PIAS1: variants seen among roughly 807,000 people sequenced by gnomAD.
PIAS1 encodes protein inhibitor of activated STAT 1.
Under a neutral mutation model 71.3 loss-of-function variants are expected in PIAS1, and 6 were observed. The ratio of observed to expected loss-of-function variants is 0.08; its 90% confidence interval spans 0.05 to 0.17. The LOEUF is 0.17. Ranked by LOEUF, PIAS1 falls within the 10% of genes least tolerant of loss-of-function variation. PIAS1 has a pLI of 1.00. For missense variants in PIAS1, 555 were observed against 793.6 expected (o/e 0.70, Z 3.61); for synonymous variants, 303 against 292.9 (o/e 1.03, Z -0.35).
chr15:68,153,865 T>C, intron 7 of PIAS1, 170 bp downstream of exon 7: 2 of 413,430 alleles, frequency 4.8e-6, no homozygotes, highest in South Asian at 5.2e-5. Flanking sequence ...ATCTATATTT[T>C]ACTAATCTTA....
intron 6 of PIAS1, among the ~76,000 whole-genome samples, chr15:68,151,829 C>A (rs893596647): frequency 6.6e-6 from 1 of 150,522 alleles, no homozygotes; most frequent in Non-Finnish European, 1.5e-5. Context: ...CACTGCACTC[C>A]GGCCTGGGTG....
At chr15:68,126,395 A>G (rs1029121833) in intron 2 of PIAS1, among the ~76,000 whole-genome samples, 3 of 152,118 alleles carry the variant, frequency 2.0e-5, no homozygotes, top group Non-Finnish European at 2.9e-5. Context: ...AACTTTGTGT[A>G]TACATATAAA....
chr15:68,123,997 C>CACAT (rs397703982), intron 2 of PIAS1, among the ~76,000 whole-genome samples: 1 of 151,460 alleles, frequency 6.6e-6, no homozygotes, highest in Non-Finnish European at 1.5e-5. Context: ...CACACACACA[C>CACAT]GTATACATAT....
intron 2 of PIAS1, among the ~76,000 whole-genome samples, chr15:68,123,494 A>G (rs2092627452): frequency 1.3e-5 from 2 of 152,190 alleles, no homozygotes; most frequent in South Asian, 4.1e-4. Context: ...GTCTTGGCAT[A>G]TGTCATGTAT....
chr15:68,061,679 C>T (rs902155518), intron 1 of PIAS1, among the ~76,000 whole-genome samples: 2 of 152,132 alleles, frequency 1.3e-5, no homozygotes, highest in Non-Finnish European at 1.5e-5. Flanking sequence ...TTTCAGTTTA[C>T]CCGCTTTGGT....
chr15:68,130,416 A>G (rs952776237), intron 2 of PIAS1, among the ~76,000 whole-genome samples: 1 of 151,990 alleles, frequency 6.6e-6, no homozygotes, highest in Non-Finnish European at 1.5e-5. Context: ...GATATATTAA[A>G]CATTCCAAAT....
At chr15:68,176,883 T>C (rs940534898) in intron 11 of PIAS1, among the ~76,000 whole-genome samples, 2 of 152,180 alleles carry the variant, frequency 1.3e-5, no homozygotes, top group African/African-American at 4.8e-5. Flanking sequence ...TCTAGTACCG[T>C]GGTTCTCAAA....
chr15:68,057,880 T>A (rs529821036), intron 1 of PIAS1, among the ~76,000 whole-genome samples: 1 of 152,094 alleles, frequency 6.6e-6, no homozygotes, highest in Non-Finnish European at 1.5e-5. Context: ...AATACCTCCT[T>A]CTTTTCATCC....
chr15:68,183,536 A>G (rs540606521), intron 12 of PIAS1, 94 bp from the exon 13 acceptor site: 1 of 621,700 alleles, frequency 1.6e-6, no homozygotes, highest in African/African-American at 1.9e-5. Context: ...GTGACATAGC[A>G]TATAAGACTT....
rs111899087 is a variant in PIAS1, at chr15:68,185,203, G to T, written c.1662+1536G>T. The stretch of plus-strand genomic sequence containing the variant: ...AGGCCTATTAAAAGATCCTAAGGAG[G>T]ATCTTTGCCCAGGCTATTGCTGCAA... On this transcript the variant is annotated intron_variant, in intron 13 of 13. Transcript: ENST00000249636. The surrounding 1 kb of genome is among the most constrained non-coding windows in gnomAD (Gnocchi z 4.4). 5.1e-4 allele frequency among the ~76,000 whole-genome samples: 78 copies of T among 152,218 alleles called. No homozygotes were observed. The South Asian group carries it at 9.2e-3, about 18-fold the overall frequency.
At chr15:68,056,062 G>C in intron 1 of PIAS1, 1 of 551,186 alleles carries the variant, frequency 1.8e-6, no homozygotes, top group South Asian at 2.6e-5. Context: ...TGAATATTTG[G>C]AGATAATTAA....
chr15:68,079,369 T>A (rs886141053), intron 1 of PIAS1, among the ~76,000 whole-genome samples: 1 of 152,230 alleles, frequency 6.6e-6, no homozygotes, highest in African/African-American at 2.4e-5. Context: ...TTTTCTTAAA[T>A]AAGAGCCATA....
At chr15:68,124,366 A>G (rs1165249578) in intron 2 of PIAS1, among the ~76,000 whole-genome samples, 1 of 147,846 alleles carries the variant, frequency 6.8e-6, no homozygotes, top group Non-Finnish European at 1.5e-5. Context: ...CGTGACTTCC[A>G]CTATTTCTTG....
chr15:68,101,491 TG>T (rs1375000848), intron 2 of PIAS1, among the ~76,000 whole-genome samples: 1 of 152,154 alleles, frequency 6.6e-6, no homozygotes, highest in African/African-American at 2.4e-5. Context: ...GGGATCTCAC[TG>T]TGTTGCTCAG....
chr15:68,183,524 G>T, intron 12 of PIAS1, 106 bp from the exon 13 acceptor site: 1 of 593,710 alleles, frequency 1.7e-6, no homozygotes, highest in South Asian at 1.8e-5. Context: ...ATAAAATTCT[G>T]AGTGACATAG....
chr15:68,112,858 G>GGAA, intron 2 of PIAS1, among the ~76,000 whole-genome samples: 2 of 152,234 alleles, frequency 1.3e-5, no homozygotes, highest in East Asian at 3.9e-4. Flanking sequence ...GTATGTCTCG[G>GGAA]AAATAACACA....
At chr15:68,157,605 T>C (rs2092899505) in intron 7 of PIAS1, among the ~76,000 whole-genome samples, 1 of 152,212 alleles carries the variant, frequency 6.6e-6, no homozygotes, top group Non-Finnish European at 1.5e-5. Flanking sequence ...ATGAACCACT[T>C]TCTCCTTGAA....
intron 2 of PIAS1, among the ~76,000 whole-genome samples, chr15:68,104,492 A>G (rs1030556337): frequency 6.6e-6 from 1 of 152,158 alleles, no homozygotes. Flanking sequence ...TCACTAATTT[A>G]TTCTATCAGA....
intron 2 of PIAS1, among the ~76,000 whole-genome samples, chr15:68,124,404 TTG>T (rs1456531253): frequency 8.8e-6 from 1 of 113,880 alleles, no homozygotes; most frequent in Non-Finnish European, 2.1e-5. Context: ...TTGTTGTTTT[TTG>T]TTTTTTTTTT....
Sources: allele counts gnomAD v4.1 joint callset (sites outside exome capture counted in the v4.1 genomes callset), GRCh38; gene constraint gnomAD v4.1.1; non-coding constraint Gnocchi (gnomAD v3.1); transcripts MANE v1.5; gene names NCBI Gene and HGNC (gene_info 2026-07-23, HGNC 2026-07-21).